Variants in CELF6 observed in about 807,000 individuals in gnomAD.
The protein encoded by CELF6 is CUGBP Elav-like family member 6, also known as Bruno -like 6, RNA binding protein.
A neutral mutation model predicts 53.1 loss-of-function variants in CELF6; 32 were observed. The observed-to-expected ratio is 0.60, with a 90% CI of 0.46 to 0.81. The LOEUF is 0.81. Among genes scored for constraint, CELF6 ranks in the 30% least tolerant of loss-of-function variants. The pLI, the probability that CELF6 is intolerant of heterozygous loss-of-function variation, is 0.00. For synonymous variants in CELF6, 291 were observed against 288.8 expected, an observed-to-expected ratio of 1.01 and a Z score of -0.08; for missense variants, 539 against 669.5, an observed-to-expected ratio of 0.81 and a Z score of 2.15.
At chr15:72,294,506 G>A (rs2141189237) in intron 3 of CELF6, among the ~76,000 whole-genome samples, 1 of 152,330 alleles carries the variant, frequency 6.6e-6, no homozygotes, top group Non-Finnish European at 1.5e-5. Context: ...GAAGTAGCCA[G>A]GACGAGAAGA....
At position 72,319,842 on chromosome 15, in the gene CELF6, G is replaced by C. The variant is rs1363254179; in HGVS notation, c.33C>G (p.Pro11=). 6.5e-7 allele frequency: 1 copy of C among 1,543,232 alleles called. No individual in the cohort carries two copies. The highest frequency in any genetic ancestry group is 1.2e-5 in the South Asian group (1 of 83,548). The change falls in exon 1 of 13, where the codon CCC becomes CCG. Residue 11 remains proline (P), a synonymous_variant. Coordinates refer to ENST00000287202, the MANE Select transcript of CELF6 (RefSeq NM_052840.5). This position sits in a 1 kb window ranked among gnomAD's most constrained non-coding sequence, Gnocchi z 5.0. ...AACCCAGGCGCGGGCCGGGGCCAGC[G>C]GGCTGCGCTGACCCTCCCGGCGCCG... MAAAPGGSAQ[P]AGPGPRLGFS...
chr15:72,295,989 C>A (rs1219814096), intron 3 of CELF6, among the ~76,000 whole-genome samples: 1 of 152,156 alleles, frequency 6.6e-6, no homozygotes, highest in Non-Finnish European at 1.5e-5. Flanking sequence ...ACATATTACA[C>A]AGCTATAGTA....
chr15:72,289,354 C>T lies in CELF6; in HGVS notation c.880+21G>A. The T allele has an allele frequency of 1.3e-6, 2 of 1,544,732 alleles. No individual in the cohort carries two copies. Among genetic ancestry groups the T allele is most frequent in the Non-Finnish European group, 1.7e-6 (2 of 1,152,830 alleles). ...CCCGCCCGGCCCCTCCCAGGCGCGC[C>T]CCAGTCCCTGGGGGCCGTACCTGCC... On this transcript the variant is annotated intron_variant, in intron 7 of 12. Coordinates refer to ENST00000287202, the MANE Select transcript of CELF6 (RefSeq NM_052840.5). This position sits in a 1 kb window ranked among gnomAD's most constrained non-coding sequence, Gnocchi z 7.6.
chr15:72,316,369 AAAG>A (rs1433984087), intron 1 of CELF6, among the ~76,000 whole-genome samples: 1 of 152,144 alleles, frequency 6.6e-6, no homozygotes, highest in African/African-American at 2.4e-5. Flanking sequence ...GGAGGAGGCA[AAAG>A]AGTAAAAGAA....
rs1307597396 is a variant in CELF6 at position 72,319,369 on chromosome 15, G to C, written c.262+244C>G. 6.6e-6 allele frequency among the ~76,000 whole-genome samples: 1 copy of C among 152,194 alleles called. No individual in the cohort carries two copies. The highest frequency in any genetic ancestry group is 2.4e-5 in the African/African-American group (1 of 41,436). On this transcript the variant is annotated intron_variant, in intron 1 of 12. Coordinates refer to ENST00000287202, the MANE Select transcript of CELF6 (RefSeq NM_052840.5). This position sits in a 1 kb window ranked among gnomAD's most constrained non-coding sequence, Gnocchi z 5.0. ...TGAAAGGCAGGGACTGCTGGGATGT[G>C]AGAGGTGGAGGCCAGGAATTTGGAG...
chr15:72,290,525 C>A (rs898943813), intron 3 of CELF6, among the ~76,000 whole-genome samples: 4 of 152,164 alleles, frequency 2.6e-5, no homozygotes, highest in African/African-American at 9.7e-5. Flanking sequence ...GGGAGTAATG[C>A]AGTCTTGATA....
At chr15:72,305,785 C>T (rs1253392707) in intron 2 of CELF6, among the ~76,000 whole-genome samples, 1 of 152,080 alleles carries the variant, frequency 6.6e-6, no homozygotes, top group African/African-American at 2.4e-5. Flanking sequence ...TACCAGCTGC[C>T]TGCTGGACAT....
chr15:72,290,085 GAGGA>G (rs2087985823), intron 4 of CELF6, 38 bp downstream of exon 4: 1 of 1,613,046 alleles, frequency 6.2e-7, no homozygotes, highest in Non-Finnish European at 8.5e-7. Flanking sequence ...GGCCCAGAGT[GAGGA>G]AGGGTCACCA....
rs1212802687 is a variant in CELF6, at chr15:72,289,352, G to A, written c.880+23C>T. On this transcript the variant is annotated intron_variant, in intron 7 of 12. Coordinates refer to ENST00000287202, the MANE Select transcript of CELF6 (RefSeq NM_052840.5). This position sits in a 1 kb window ranked among gnomAD's most constrained non-coding sequence, Gnocchi z 7.6. ...GCCCCGCCCGGCCCCTCCCAGGCGC[G>A]CCCCAGTCCCTGGGGGCCGTACCTG... is the stretch of plus-strand genomic sequence containing the variant. 6.5e-7 allele frequency: 1 copy of A among 1,542,330 alleles called. No individual in the cohort carries two copies. The highest frequency in any genetic ancestry group is 8.7e-7 in the Non-Finnish European group (1 of 1,151,580).
At chr15:72,312,090 G>A (rs1192018888) in intron 2 of CELF6, among the ~76,000 whole-genome samples, 2 of 152,206 alleles carry the variant, frequency 1.3e-5, no homozygotes, top group Non-Finnish European at 2.9e-5. Context: ...TATGCATCTC[G>A]TAAGTGGGGC....
In CELF6 at chr15:72,290,109, G is replaced by A. The variant is rs747702531; in HGVS notation, c.523+18C>T. The stretch of plus-strand genomic sequence containing the variant: ...TGAGGAAGGGTCACCAGGAAATCCC[G>A]GGGTCAGCTCAGGTCACCTTTACTG... On this transcript the variant is annotated intron_variant, in intron 4 of 12. Transcript: ENST00000287202. 17 of 1,613,216 alleles carry A rather than the reference G, an allele frequency of 1.1e-5. No homozygotes were observed. The highest frequency in any genetic ancestry group is 1.6e-4 in the Middle Eastern group (1 of 6,080).
intron 2 of CELF6, among the ~76,000 whole-genome samples, chr15:72,311,122 A>G (rs1240434729): frequency 1.3e-5 from 2 of 151,182 alleles, no homozygotes; most frequent in Non-Finnish European, 3.0e-5. Context: ...ATTTCTTTTT[A>G]TTCTTTTCTT....
chr15:72,292,707 C>T (rs2088021743), intron 3 of CELF6, among the ~76,000 whole-genome samples: 1 of 152,218 alleles, frequency 6.6e-6, no homozygotes. Flanking sequence ...ATTTTCCGAT[C>T]CTCTTTTCCA....
At chr15:72,309,985 G>A (rs542013321) in intron 2 of CELF6, among the ~76,000 whole-genome samples, 1 of 152,162 alleles carries the variant, frequency 6.6e-6, no homozygotes, top group African/African-American at 2.4e-5. Context: ...AAAGGTCAGA[G>A]GCCGCACAGA....
chr15:72,304,318 A>G (rs1467506119), intron 3 of CELF6, among the ~76,000 whole-genome samples: 13 of 152,168 alleles, frequency 8.5e-5, no homozygotes, highest in Non-Finnish European at 1.8e-4. Context: ...GCAGCTAGGC[A>G]ATTACAATGA....
At chr15:72,295,739 A>T (rs1002105063) in intron 3 of CELF6, among the ~76,000 whole-genome samples, 1 of 152,070 alleles carries the variant, frequency 6.6e-6, no homozygotes, top group Admixed American at 6.5e-5. Flanking sequence ...AAAAAAAAAA[A>T]AAAAATTAAG....
chr15:72,314,590 T>G (rs1007371498), intron 2 of CELF6, among the ~76,000 whole-genome samples: 3 of 113,482 alleles, frequency 2.6e-5, no homozygotes, highest in East Asian at 2.7e-4. Flanking sequence ...AAACCCAGTG[T>G]TTTTTTTTTT....
chr15:72,288,968 A>G lies in CELF6; in HGVS notation c.1031-38T>C. On this transcript the variant is annotated intron_variant, in intron 8 of 12. Transcript: ENST00000287202. This position sits in a 1 kb window ranked among gnomAD's most constrained non-coding sequence, Gnocchi z 4.6. ...GGGCGCGAGGCCCACAGTGAAGGCAAGCGGGCGAGCAGAGTGGGTGAGAAG... is the reference window on the plus strand; with the variant it reads ...GGGCGCGAGGCCCACAGTGAAGGCAGGCGGGCGAGCAGAGTGGGTGAGAAG... 2 of 1,533,696 alleles carry G rather than the reference A, an allele frequency of 1.3e-6. No individual in the cohort carries two copies. The highest frequency in any genetic ancestry group is 1.8e-6 in the Non-Finnish European group (2 of 1,133,062).
rs2088328732 is a variant in CELF6 at position 72,313,686 on chromosome 15, T to C, written c.345+2159A>G. ...CACCTGTTCCTTCTGTGTCTGCACC[T>C]TTACCATGCTGTTTCCCACATGGAA... On this transcript the variant is annotated intron_variant, in intron 2 of 12. Transcript: ENST00000287202. 3.5e-6 allele frequency: 3 copies of C among 865,456 alleles called. No homozygotes were observed. In the South Asian group the frequency reaches 1.6e-4, roughly 46 times the overall value. The allele number at this position is 865,456 out of a possible 1,614,324, so 53.6% of individuals were successfully genotyped here. A position where few individuals can be genotyped will look rare whatever the true frequency, so the allele number is the denominator to read the frequency against.
Sources: allele counts gnomAD v4.1 joint callset (sites outside exome capture counted in the v4.1 genomes callset), GRCh38; gene constraint gnomAD v4.1.1; non-coding constraint Gnocchi (gnomAD v3.1); transcripts MANE v1.5; gene names NCBI Gene and HGNC (gene_info 2026-07-23, HGNC 2026-07-21).